BCOR: variants seen among roughly 807,000 people sequenced by gnomAD.
The protein encoded by BCOR is BCL6 corepressor.
BCOR carries 10 observed loss-of-function variants against 86.7 expected under a neutral mutation model. The ratio of observed to expected loss-of-function variants is 0.12; its 90% CI spans 0.07 to 0.20. The LOEUF is 0.20. Ranked by LOEUF, BCOR falls within the 10% of genes least tolerant of loss-of-function variation. BCOR has a pLI of 1.00. For synonymous variants in BCOR, 611 were observed against 609.0 expected (o/e 1.00, Z -0.05); for missense variants, 1,259 against 1,452.1 (o/e 0.87, Z 2.16).
chrX:40,067,500 C>T (rs945519603), intron 6 of BCOR, among the ~76,000 whole-genome samples: 2 of 112,308 alleles, frequency 1.8e-5, no homozygotes, highest in Non-Finnish European at 3.8e-5. Flanking sequence ...CCCCCTTCTG[C>T]CTCCTGAATA....
In BCOR at chrX:40,073,179, C is replaced by T; in HGVS notation, c.2167G>A (p.Gly723Ser). ...FVTYQDALGL[G>S]MVHPMLIPHT... Reference sequence around the variant, plus strand: ...GGTATCAACATGGGATGCACCATGCCCAACCCCAGGGCATCTTGGTAGGTC... The same window carrying T: ...GGTATCAACATGGGATGCACCATGCTCAACCCCAGGGCATCTTGGTAGGTC... The change falls in exon 4 of 15, where the codon GGC becomes AGC. Residue 723 changes from glycine to serine, a missense_variant. Gly to Ser is a moderately conservative substitution (Grantham distance 56). This residue lies in a region of BCOR where 534 missense variants were observed against 594.8 expected (regional missense o/e 0.90). Coordinates refer to ENST00000378444, the MANE Select transcript of BCOR (RefSeq NM_001123385.2). 1 of 1,212,141 alleles carries T rather than the reference C, an allele frequency of 8.2e-7. No individual in the cohort carries two copies. The highest frequency in any genetic ancestry group is 1.7e-5 in the African/African-American group (1 of 57,895).
chrX:40,052,555 A>ATT lies in BCOR; in HGVS notation c.4977-157_4977-156dup, dbSNP rs1314879202. On this transcript the variant is annotated intron_variant, in intron 14 of 14. Transcript: ENST00000378444. Reference sequence around the variant, plus strand: ...TCACCATACCTACTCTCTGATCACCATTTTTTTTTTTTTTTTTTTTTTTTT... The same window carrying ATT: ...TCACCATACCTACTCTCTGATCACCATTTTTTTTTTTTTTTTTTTTTTTTTTT... 1.5e-3 allele frequency among the ~76,000 whole-genome samples: 73 copies of ATT among 47,760 alleles called. 8 individuals are homozygous for ATT. Among genetic ancestry groups the ATT allele is most frequent in the African/African-American group, 3.6e-3 (43 of 12,102 alleles). The allele number at this position is 47,760 out of a possible 115,157, so 41.5% of individuals were successfully genotyped here. A position where few individuals can be genotyped will look rare whatever the true frequency, so the allele number is the denominator to read the frequency against.
At chrX:40,131,494 A>G (rs1937601218) in intron 1 of BCOR, among the ~76,000 whole-genome samples, 1 of 111,977 alleles carries the variant, frequency 8.9e-6, no homozygotes, top group Non-Finnish European at 1.9e-5. Flanking sequence ...CTAAAAATAC[A>G]AAATTAGCCA....
Position 40,072,950 on chromosome X carries a change from T to C in BCOR, c.2396A>G (p.Lys799Arg), listed in dbSNP as rs769227489. ...GTCTACGTAGACAAGCTTGTCGCTT[T>C]TGACAACAGTCTTCCCTTGATTCCA... ...PNWNQGKTVVKSDKLVYVDLL... is the reference protein window; with the variant it reads ...PNWNQGKTVVRSDKLVYVDLL... The change falls in exon 4 of 15, where the codon AAA becomes AGA. Residue 799 changes from lysine to arginine, a missense_variant. Transcript: ENST00000378444. The C allele has an allele frequency of 1.7e-5, 20 of 1,209,970 alleles. No individual in the cohort carries two copies. The Admixed American group carries it at 2.2e-4, about 13-fold the overall frequency.
intron 1 of BCOR, among the ~76,000 whole-genome samples, chrX:40,104,468 G>A (rs915597724): frequency 8.9e-6 from 1 of 111,851 alleles, no homozygotes; most frequent in African/African-American, 3.3e-5. Flanking sequence ...TGTCGAGGAA[G>A]GTTTTGGTAT....
rs1369724987 is a variant in BCOR, at chrX:40,063,664, G to A, written c.3791C>T (p.Ala1264Val). Residue 1264 changes from alanine to valine, a missense_variant, in exon 8 of 15, where the codon GCC (alanine) becomes GTC (valine). Ala to Val is a moderately conservative substitution (Grantham distance 64). Transcript: ENST00000378444. ...TTCCGACCAGCTTCTGTTGCCTTTG[G>A]CCTCTGCCCTTTTCCTGCCAGGTTT... ...EEKPGRKRAE[A>V]KGNRSWSEES... The A allele has an allele frequency of 8.3e-7, 1 of 1,211,560 alleles. No individual in the cohort carries two copies. The highest frequency in any genetic ancestry group is 1.1e-6 in the Non-Finnish European group (1 of 895,366).
At chrX:40,089,385 T>A (rs774171861) in intron 1 of BCOR, among the ~76,000 whole-genome samples, 1 of 111,743 alleles carries the variant, frequency 8.9e-6, no homozygotes, top group Admixed American at 9.4e-5. Flanking sequence ...GGTCTAATTG[T>A]GCCATTTGAA....
intron 1 of BCOR, among the ~76,000 whole-genome samples, chrX:40,149,304 T>C (rs1223544484): frequency 9.0e-6 from 1 of 111,340 alleles, no homozygotes; most frequent in African/African-American, 3.3e-5. Context: ...CACATCCTCT[T>C]GTGCATGGAT....
chrX:40,056,281 T>TA (rs60712024), intron 11 of BCOR, among the ~76,000 whole-genome samples: 5,892 of 61,377 alleles, frequency 0.096, 604 homozygotes, highest in East Asian at 0.59. Context: ...TGTCACACAT[T>TA]AAAAAAAAAA....
chrX:40,115,840 T>G (rs915011308), intron 1 of BCOR, among the ~76,000 whole-genome samples: 2 of 109,162 alleles, frequency 1.8e-5, no homozygotes, highest in Admixed American at 1.9e-4. Context: ...CCAGAACAAA[T>G]AGATTCTGTT....
chrX:40,163,169 T>C (rs1352440875), intron 1 of BCOR, among the ~76,000 whole-genome samples: 1 of 111,106 alleles, frequency 9.0e-6, no homozygotes, highest in African/African-American at 3.3e-5. Flanking sequence ...GTGAAAATAA[T>C]GTTGTTGGGA....
chrX:40,168,399 G>C (rs1185594456), intron 1 of BCOR, among the ~76,000 whole-genome samples: 2 of 112,659 alleles, frequency 1.8e-5, no homozygotes. Context: ...GGCCGAGCTG[G>C]GGCCCACTGG....
intron 1 of BCOR, among the ~76,000 whole-genome samples, chrX:40,129,454 A>G (rs1937580049): frequency 9.3e-6 from 1 of 107,436 alleles, no homozygotes; most frequent in Admixed American, 9.9e-5. Flanking sequence ...ACTGCACTCC[A>G]GCCTGGCGAC....
intron 1 of BCOR, among the ~76,000 whole-genome samples, chrX:40,083,636 G>C (rs986494310): frequency 1.8e-5 from 2 of 111,842 alleles, no homozygotes; most frequent in African/African-American, 3.2e-5. Context: ...GAGCGCGATC[G>C]GTCGGCAACA....
chrX:40,137,578 T>TAAAAC (rs763582692), intron 1 of BCOR, among the ~76,000 whole-genome samples: 2 of 110,393 alleles, frequency 1.8e-5, no homozygotes, highest in East Asian at 5.6e-4. Context: ...TAAAATAAAA[T>TAAAAC]AAAATATAAA....
intron 1 of BCOR, among the ~76,000 whole-genome samples, chrX:40,143,042 T>C (rs1291298740): frequency 8.9e-6 from 1 of 112,318 alleles, no homozygotes; most frequent in Non-Finnish European, 1.9e-5. Context: ...GGCTGGTAAA[T>C]GACGAGCTGA....
intron 6 of BCOR, among the ~76,000 whole-genome samples, chrX:40,066,176 T>C (rs777997769): frequency 5.8e-4 from 65 of 111,772 alleles, no homozygotes; most frequent in Non-Finnish European, 9.0e-4. Context: ...GCCCCCACCA[T>C]GGAATACCAC....
intron 1 of BCOR, among the ~76,000 whole-genome samples, chrX:40,104,766 C>T (rs1007446345): frequency 8.8e-6 from 1 of 113,290 alleles, no homozygotes; most frequent in Non-Finnish European, 1.9e-5. Flanking sequence ...GGAAACCCCT[C>T]CTCTCGCCCT....
At chrX:40,118,140 G>T (rs1281494121) in intron 1 of BCOR, among the ~76,000 whole-genome samples, 1 of 109,908 alleles carries the variant, frequency 9.1e-6, no homozygotes, top group African/African-American at 3.3e-5. Context: ...TTTAAGGGTA[G>T]CACTGAGGGG....
Sources: gnomAD v4.1 joint callset for allele counts (sites outside exome capture counted in the v4.1 genomes callset) on GRCh38, gnomAD v4.1.1 for gene constraint, gnomAD v4.1.1 regional missense constraint, MANE v1.5 for transcripts, NCBI Gene and HGNC (gene_info 2026-07-23, HGNC 2026-07-21) for gene names.